The following MCTP1 variants were observed in gnomAD, a reference collection of about 807,000 sequenced individuals.
MCTP1 encodes the protein multiple C2 and transmembrane domain-containing protein 1.
In MCTP1, 69 loss-of-function variants were observed where a neutral mutation model predicts 120.6. The ratio of observed to expected loss-of-function variants is 0.57; its 90% confidence interval spans 0.47 to 0.70. The LOEUF is 0.70. Ranked by LOEUF, MCTP1 falls within the 30% of genes least tolerant of loss-of-function variation. MCTP1 has a pLI of 0.00. For missense variants in MCTP1, 1,203 were observed against 1,248.8 expected, an observed-to-expected ratio of 0.96 and a Z score of 0.55; for synonymous variants, 529 against 493.1, an observed-to-expected ratio of 1.07 and a Z score of -0.96.
At chr5:94,983,668 AATCTATCT>A (rs57481277) in intron 2 of MCTP1, among the ~76,000 whole-genome samples, 30 of 150,768 alleles carry the variant, frequency 2.0e-4, no homozygotes, top group Admixed American at 7.3e-4. Context: ...TCTGTCTGTC[AATCTATCT>A]ATCTATCTAT....
At chr5:94,732,382 G>T (rs1384736603) in intron 19 of MCTP1, among the ~76,000 whole-genome samples, 1 of 151,440 alleles carries the variant, frequency 6.6e-6, no homozygotes, top group African/African-American at 2.4e-5. Flanking sequence ...TTTTATGTGT[G>T]GCCCAAGACA....
At chr5:94,819,202 C>G (rs1401263754) in intron 17 of MCTP1, among the ~76,000 whole-genome samples, 1 of 151,884 alleles carries the variant, frequency 6.6e-6, no homozygotes, top group Non-Finnish European at 1.5e-5. Context: ...GATCTCGGCT[C>G]ACTGAAACCT....
chr5:94,974,431 C>A (rs929839254), intron 2 of MCTP1, among the ~76,000 whole-genome samples: 1 of 151,842 alleles, frequency 6.6e-6, no homozygotes, highest in Admixed American at 6.6e-5. Flanking sequence ...TGCCTGTAGT[C>A]CCAGTTACTT....
chr5:94,732,530 C>CT (rs1246429515), intron 19 of MCTP1, among the ~76,000 whole-genome samples: 1 of 152,182 alleles, frequency 6.6e-6, no homozygotes, highest in Non-Finnish European at 1.5e-5. Context: ...TTAGTCAAAT[C>CT]ATCCTGGTGC....
chr5:95,273,864 G>C (rs1365759094), intron 1 of MCTP1, among the ~76,000 whole-genome samples: 2 of 152,298 alleles, frequency 1.3e-5, no homozygotes, highest in Middle Eastern at 3.4e-3. Flanking sequence ...AAAATACGCT[G>C]TGATGAACTC....
chr5:95,171,702 C>A (rs186357386), intron 1 of MCTP1, among the ~76,000 whole-genome samples: 5 of 152,150 alleles, frequency 3.3e-5, no homozygotes, highest in African/African-American at 1.2e-4. Flanking sequence ...TTGATCGAAT[C>A]GGTTACTGAA....
intron 1 of MCTP1, among the ~76,000 whole-genome samples, chr5:95,162,364 T>C (rs1320170261): frequency 6.6e-6 from 1 of 152,160 alleles, no homozygotes; most frequent in African/African-American, 2.4e-5. Context: ...TGACAAGATT[T>C]TTCAACACTT....
intron 1 of MCTP1, among the ~76,000 whole-genome samples, chr5:95,166,548 T>C (rs1746382999): frequency 6.6e-6 from 1 of 150,782 alleles, no homozygotes; most frequent in Non-Finnish European, 1.5e-5. Context: ...AAAAACTTAT[T>C]TACCACCCTA....
At chr5:95,264,520 A>G (rs1159424448) in intron 1 of MCTP1, among the ~76,000 whole-genome samples, 2 of 152,084 alleles carry the variant, frequency 1.3e-5, no homozygotes. Flanking sequence ...CATCTTCCCC[A>G]CTGCTGCTTA....
rs76070733 is a variant in MCTP1, at chr5:95,078,517, C to T, written c.721-61033G>A. Among the ~76,000 whole-genome samples, 141 of 152,236 alleles carry T rather than the reference C, an allele frequency of 9.3e-4. 3 individuals are homozygous for T. The East Asian group carries it at 0.02, about 22-fold the overall frequency. ...AAAGCCCCCATCTTATGTAAATTCACGAACAACTTCAGCATATTTCTGGTT... is the reference window on the plus strand; with the variant it reads ...AAAGCCCCCATCTTATGTAAATTCATGAACAACTTCAGCATATTTCTGGTT... On this transcript the variant is annotated intron_variant, in intron 1 of 22. Coordinates refer to ENST00000515393, the MANE Select transcript of MCTP1 (RefSeq NM_024717.7).
At chr5:94,955,120 G>A (rs182541105) in intron 2 of MCTP1, among the ~76,000 whole-genome samples, 1 of 152,302 alleles carries the variant, frequency 6.6e-6, no homozygotes, top group African/African-American at 2.4e-5. Flanking sequence ...AGGGTGAGCA[G>A]AAGCAGGGTG....
intron 1 of MCTP1, chr5:95,024,161 G>T (rs1033518401): frequency 2.2e-5 from 9 of 412,220 alleles, no homozygotes; most frequent in African/African-American, 6.3e-5. Flanking sequence ...TCTTATCAAA[G>T]AAATCACTTC....
chr5:95,195,596 G>A (rs1750293616), intron 1 of MCTP1, among the ~76,000 whole-genome samples: 1 of 152,156 alleles, frequency 6.6e-6, no homozygotes, highest in Non-Finnish European at 1.5e-5. Context: ...AAAGTACATT[G>A]AGTACCAATT....
chr5:94,910,177 T>TATAC, intron 9 of MCTP1, among the ~76,000 whole-genome samples: 1 of 150,726 alleles, frequency 6.6e-6, no homozygotes, highest in Non-Finnish European at 1.5e-5. Flanking sequence ...TGTATACATA[T>TATAC]ATGTATGTGT....
rs959885657 is a variant in MCTP1 at position 94,929,433 on chromosome 5, T to C, written c.1212+2520A>G. Among the ~76,000 whole-genome samples the C allele has an allele frequency of 6.6e-5, 10 of 152,200 alleles. 1 individual carries two copies. Among genetic ancestry groups the C allele is most frequent in the African/African-American group, 9.7e-5 (4 of 41,442 alleles). On this transcript the variant is annotated intron_variant, in intron 6 of 22. Coordinates refer to ENST00000515393, the MANE Select transcript of MCTP1 (RefSeq NM_024717.7). ...AAAAATTTACCTTTGAATTTGAACA[T>C]AGTTATATCATATATGAAATACCCA...
chr5:95,067,885 AC>A (rs1373702167), intron 1 of MCTP1, among the ~76,000 whole-genome samples: 1 of 152,198 alleles, frequency 6.6e-6, no homozygotes, highest in Non-Finnish European at 1.5e-5. Context: ...ATAGATCACT[AC>A]AACTTATTCC....
intron 1 of MCTP1, among the ~76,000 whole-genome samples, chr5:95,116,148 A>T (rs113401347): frequency 9.8e-5 from 15 of 152,356 alleles, no homozygotes; most frequent in African/African-American, 3.6e-4. Context: ...CTACAAAAAA[A>T]TGCTAAAGGG....
chr5:95,243,066 C>A (rs182601692), intron 1 of MCTP1, among the ~76,000 whole-genome samples: 13 of 151,930 alleles, frequency 8.6e-5, no homozygotes, highest in Admixed American at 7.9e-4. Flanking sequence ...ACATGAGGAC[C>A]CTGACTTCCT....
At chr5:95,036,517 C>A (rs1174696158) in intron 1 of MCTP1, among the ~76,000 whole-genome samples, 1 of 152,176 alleles carries the variant, frequency 6.6e-6, no homozygotes, top group East Asian at 1.9e-4. Context: ...CTTGGAATAA[C>A]TCTATAGTGT....
Sources: gnomAD v4.1 joint callset for allele counts (sites outside exome capture counted in the v4.1 genomes callset) on GRCh38, gnomAD v4.1.1 for gene constraint, MANE v1.5 for transcripts, NCBI Gene and HGNC (gene_info 2026-07-23, HGNC 2026-07-21) for gene names.